The following UNC13C variants were observed in gnomAD, a reference collection of about 807,000 sequenced individuals.
The protein encoded by UNC13C is unc-13 homolog C, also known as protein unc-13 homolog C.
A neutral mutation model predicts 245.4 loss-of-function variants in UNC13C; 174 were observed. The ratio of observed to expected loss-of-function variants is 0.71; its 90% confidence interval spans 0.63 to 0.80. UNC13C has a LOEUF of 0.80. Ranked by LOEUF, UNC13C falls within the 30% of genes least tolerant of loss-of-function variation. The pLI, the probability that UNC13C is intolerant of heterozygous loss-of-function variation, is 0.00. For synonymous variants in UNC13C, 992 were observed against 895.1 expected (o/e 1.11, Z -1.93); for missense variants, 2,829 against 2,602.9 (o/e 1.09, Z -1.89).
chr15:54,050,712 C>G (rs1170791565), intron 2 of UNC13C: 1 of 561,422 alleles, frequency 1.8e-6, no homozygotes, highest in African/African-American at 1.9e-5. Flanking sequence ...GGGTAAATAT[C>G]ATCAGGAAGC....
At chr15:54,396,774 A>G (rs996731599) in intron 18 of UNC13C, among the ~76,000 whole-genome samples, 1 of 151,510 alleles carries the variant, frequency 6.6e-6, no homozygotes, top group East Asian at 1.9e-4. Context: ...CTGAATCCTA[A>G]TGATACTGAC....
intron 2 of UNC13C, 85 bp from the exon 3 acceptor site, chr15:54,142,933 C>T (rs1333626580): frequency 1.8e-6 from 2 of 1,130,698 alleles, no homozygotes; most frequent in Non-Finnish European, 2.7e-6. Context: ...AACATATTAA[C>T]ACTCTGTTCA....
At chr15:54,436,807 G>A (rs552044272) in intron 19 of UNC13C, among the ~76,000 whole-genome samples, 22 of 151,848 alleles carry the variant, frequency 1.4e-4, no homozygotes, top group Middle Eastern at 3.4e-3. Flanking sequence ...TTCTGCACAT[G>A]TATCTCAGAA....
chr15:54,107,570 A>G (rs556736276), intron 2 of UNC13C, among the ~76,000 whole-genome samples: 1 of 152,298 alleles, frequency 6.6e-6, no homozygotes, highest in East Asian at 1.9e-4. Context: ...TTTAAAGTTT[A>G]TGATATTAAT....
intron 1 of UNC13C, among the ~76,000 whole-genome samples, chr15:53,998,189 C>G (rs1205966085): frequency 6.6e-6 from 1 of 152,104 alleles, no homozygotes; most frequent in Non-Finnish European, 1.5e-5. Flanking sequence ...TCCAAATTCT[C>G]AAAACCAAAT....
intron 17 of UNC13C, among the ~76,000 whole-genome samples, chr15:54,350,054 C>G (rs1290381331): frequency 6.6e-6 from 1 of 151,878 alleles, no homozygotes; most frequent in Non-Finnish European, 1.5e-5. Context: ...TGCAGTGGCA[C>G]GAACTGGGCT....
At chr15:54,407,638 A>G (rs771599122) in intron 18 of UNC13C, among the ~76,000 whole-genome samples, 7 of 152,142 alleles carry the variant, frequency 4.6e-5, no homozygotes, top group Non-Finnish European at 1.0e-4. Flanking sequence ...AAACCAGTGT[A>G]TCATAATGTT....
chr15:54,026,206 CAT>C (rs1896101609), intron 2 of UNC13C, among the ~76,000 whole-genome samples: 1 of 152,140 alleles, frequency 6.6e-6, no homozygotes. Flanking sequence ...AGTCACCTAT[CAT>C]ATATATTGAA....
intron 1 of UNC13C, among the ~76,000 whole-genome samples, chr15:53,985,468 A>G (rs886232657): frequency 6.6e-6 from 1 of 151,522 alleles, no homozygotes; most frequent in Non-Finnish European, 1.5e-5. Flanking sequence ...TGTGTTAAGT[A>G]TACATGTGTT....
At chr15:54,157,710 A>G (rs966913390) in intron 4 of UNC13C, among the ~76,000 whole-genome samples, 1 of 152,200 alleles carries the variant, frequency 6.6e-6, no homozygotes, top group Non-Finnish European at 1.5e-5. Flanking sequence ...TCATTTAGAG[A>G]ATTAAATGTC....
chr15:54,467,100 G>A (rs1892213767), intron 19 of UNC13C, among the ~76,000 whole-genome samples: 3 of 151,808 alleles, frequency 2.0e-5, no homozygotes, highest in Admixed American at 2.0e-4. Flanking sequence ...GAATTTCTGG[G>A]CACAAAACCA....
intron 19 of UNC13C, among the ~76,000 whole-genome samples, chr15:54,484,093 A>C (rs1201532279): frequency 6.7e-6 from 1 of 148,738 alleles, no homozygotes; most frequent in East Asian, 2.0e-4. Context: ...AAAAAAAAAA[A>C]CCAGCATCTA....
intron 25 of UNC13C, among the ~76,000 whole-genome samples, chr15:54,530,949 G>A (rs1895712050): frequency 6.6e-6 from 1 of 152,166 alleles, no homozygotes; most frequent in African/African-American, 2.4e-5. Flanking sequence ...ACATGATCTG[G>A]TTTTTATTTT....
chr15:53,842,796 A>C, the UNC13C span, among the ~76,000 whole-genome samples: 1 of 151,898 alleles, frequency 6.6e-6, no homozygotes, highest in East Asian at 1.9e-4. Context: ...ATAGTAGCTG[A>C]TTTATTGCTT....
At chr15:54,130,999 G>C (rs2031382881) in intron 2 of UNC13C, among the ~76,000 whole-genome samples, 1 of 152,108 alleles carries the variant, frequency 6.6e-6, no homozygotes, top group South Asian at 2.1e-4. Context: ...AGGGACACTT[G>C]GTGGATGGGA....
chr15:54,056,128 G>C (rs1293302328), intron 2 of UNC13C, among the ~76,000 whole-genome samples: 4 of 152,210 alleles, frequency 2.6e-5, no homozygotes, highest in African/African-American at 9.7e-5. Flanking sequence ...TTGACGAGTT[G>C]AGAGAGGAAG....
chr15:54,159,671 G>A lies in UNC13C; in HGVS notation c.3071+15987G>A, dbSNP rs560744739. 2.0e-5 allele frequency among the ~76,000 whole-genome samples: 3 copies of A among 152,304 alleles called. No individual in the cohort carries two copies. In the East Asian group the frequency reaches 5.8e-4, roughly 29 times the overall value. On this transcript the variant is annotated intron_variant, in intron 4 of 32. Transcript: ENST00000260323. ...ACATTGGAACTAGTGGGTCAAGTTT[G>A]GTAGATGTATAAGGCTCATGGGGAT...
intron 1 of UNC13C, among the ~76,000 whole-genome samples, chr15:53,985,105 A>C (rs1894078028): frequency 6.6e-6 from 1 of 150,446 alleles, no homozygotes; most frequent in African/African-American, 2.4e-5. Context: ...CTCAATCCCC[A>C]CCCTCCAACA....
chr15:53,934,446 A>AT, the UNC13C span, among the ~76,000 whole-genome samples: 1 of 152,188 alleles, frequency 6.6e-6, no homozygotes, highest in Non-Finnish European at 1.5e-5. Context: ...AAATAGTATG[A>AT]TTACATGTTT....
Sources: gnomAD v4.1 joint callset for allele counts (sites outside exome capture counted in the v4.1 genomes callset) on GRCh38, gnomAD v4.1.1 for gene constraint, MANE v1.5 for transcripts, NCBI Gene and HGNC (gene_info 2026-07-23, HGNC 2026-07-21) for gene names.